B3GALNT2: variants seen among roughly 807,000 people sequenced by gnomAD.
The protein encoded by B3GALNT2 is UDP-GalNAc:beta-1,3-N-acetylgalactosaminyltransferase 2.
In B3GALNT2, 53 loss-of-function variants were observed where a neutral mutation model predicts 61.1. The observed-to-expected ratio is 0.87, with a 90% CI of 0.70 to 1.09. The LOEUF is 1.09. B3GALNT2 is among the 50% of genes least tolerant of loss of function. B3GALNT2 has a pLI of 0.00. For missense variants in B3GALNT2, 544 were observed against 623.0 expected, an observed-to-expected ratio of 0.87 and a Z score of 1.35; for synonymous variants, 223 against 237.4, an observed-to-expected ratio of 0.94 and a Z score of 0.56.
chr1:235,468,641 C>T (rs530082534), intron 6 of B3GALNT2, among the ~76,000 whole-genome samples: 127 of 151,838 alleles, frequency 8.4e-4, no homozygotes, highest in Non-Finnish European at 1.1e-3. Context: ...TTAGTAGAGA[C>T]GGGATTTCAC....
At position 235,484,530 on chromosome 1, in the gene B3GALNT2, C is replaced by T; in HGVS notation, c.362-15G>A. On this transcript the variant is annotated splice_polypyrimidine_tract_variant and intron_variant, in intron 3 of 11. Coordinates refer to ENST00000366600, the MANE Select transcript of B3GALNT2 (RefSeq NM_152490.5). The stretch of plus-strand genomic sequence containing the variant: ...CTGATTCAAAACTAAGTAATGAGAA[C>T]AGGTTTATATAACTGAACAAATGTA... 1.9e-6 allele frequency: 3 copies of T among 1,612,800 alleles called. No homozygotes were observed. Among genetic ancestry groups the T allele is most frequent in the Non-Finnish European group, 2.5e-6 (3 of 1,179,308 alleles).
downstream of B3GALNT2, chr1:235,442,984 AC>A (rs1051681540): frequency 1.4e-5 from 21 of 1,462,154 alleles, no homozygotes; most frequent in African/African-American, 2.8e-4. Context: ...TAAAATTAAA[AC>A]CTTTAACTCA....
At chr1:235,462,129 T>C (rs762970522) in intron 7 of B3GALNT2, among the ~76,000 whole-genome samples, 15 of 152,222 alleles carry the variant, frequency 9.9e-5, no homozygotes, top group Non-Finnish European at 2.1e-4. Flanking sequence ...GGATGTAACA[T>C]TGTAAGTCAA....
intron 2 of B3GALNT2, among the ~76,000 whole-genome samples, chr1:235,494,285 C>T (rs1011473934): frequency 3.3e-5 from 5 of 151,884 alleles, no homozygotes; most frequent in East Asian, 3.9e-4. Flanking sequence ...AAATACTACA[C>T]GTTAACCAGT....
At chr1:235,503,027 C>T (rs1163089504) in intron 1 of B3GALNT2, among the ~76,000 whole-genome samples, 1 of 152,178 alleles carries the variant, frequency 6.6e-6, no homozygotes, top group Non-Finnish European at 1.5e-5. Flanking sequence ...AGCTAGTGAT[C>T]TAATAGGAAA....
intron 7 of B3GALNT2, chr1:235,464,006 A>G (rs1683561496): frequency 6.6e-6 from 1 of 152,270 alleles, no homozygotes; most frequent in Non-Finnish European, 1.5e-5. Flanking sequence ...ATTTTCAACA[A>G]ATGGGTGCTG....
chr1:235,486,479 C>G (rs998435001), intron 3 of B3GALNT2, among the ~76,000 whole-genome samples: 5 of 152,246 alleles, frequency 3.3e-5, no homozygotes, highest in African/African-American at 1.2e-4. Flanking sequence ...TACGTGGACA[C>G]AGGAAATCCC....
intron 8 of B3GALNT2, among the ~76,000 whole-genome samples, chr1:235,456,720 G>A (rs1243374236): frequency 6.6e-6 from 1 of 152,096 alleles, no homozygotes; most frequent in Non-Finnish European, 1.5e-5. Context: ...CAACAATAGC[G>A]GCAGCGGAGA....
At position 235,448,361 on chromosome 1, in the gene B3GALNT2, T is replaced by A. The variant is rs775747790; in HGVS notation, c.*1845A>T. The stretch of plus-strand genomic sequence containing the variant: ...TGTCTTTTGATAGGCTCCATGACAA[T>A]TCAAAAGGTGAAGGGATTGCTGTCA... On this transcript the variant is annotated 3_prime_UTR_variant, in exon 12 of 12. Coordinates refer to ENST00000366600, the MANE Select transcript of B3GALNT2 (RefSeq NM_152490.5). 2 of 1,613,986 alleles carry A rather than the reference T, an allele frequency of 1.2e-6. No individual in the cohort carries two copies. The highest frequency in any genetic ancestry group is 4.5e-5 in the East Asian group (2 of 44,896).
At chr1:235,501,361 CACTT>C (rs1453507363) in intron 1 of B3GALNT2, among the ~76,000 whole-genome samples, 1 of 152,222 alleles carries the variant, frequency 6.6e-6, no homozygotes, top group African/African-American at 2.4e-5. Flanking sequence ...TAAGGTGACT[CACTT>C]ACTTCATTCT....
intron 7 of B3GALNT2, among the ~76,000 whole-genome samples, chr1:235,463,217 G>A (rs1558415096): frequency 6.6e-6 from 1 of 152,082 alleles, no homozygotes; most frequent in Non-Finnish European, 1.5e-5. Context: ...TGGACTTTGG[G>A]GACTTGGTGG....
chr1:235,447,106 A>AATC (rs1231873899), downstream of B3GALNT2, among the ~76,000 whole-genome samples: 1 of 152,204 alleles, frequency 6.6e-6, no homozygotes, highest in Non-Finnish European at 1.5e-5. Context: ...AGTCCGTCTC[A>AATC]ATCTTTTGAA....
At chr1:235,440,162 G>T in the B3GALNT2 span, among the ~76,000 whole-genome samples, 1 of 152,076 alleles carries the variant, frequency 6.6e-6, no homozygotes, top group Non-Finnish European at 1.5e-5. Context: ...AGTAGGGACG[G>T]GGTTTCACCG....
At position 235,489,165 on chromosome 1, in the gene B3GALNT2, T is replaced by A; in HGVS notation, c.361+3A>T. ...ATGGCAGTCAAGGGAAAAGATGACT[T>A]ACCTGGATTTGTGATGTTGAGTAGT... On this transcript the variant is annotated splice_donor_region_variant and intron_variant, in intron 3 of 11. Coordinates refer to ENST00000366600, the MANE Select transcript of B3GALNT2 (RefSeq NM_152490.5). 1 of 1,613,422 alleles carries A rather than the reference T, an allele frequency of 6.2e-7. No homozygotes were observed. Among genetic ancestry groups the A allele is most frequent in the Non-Finnish European group, 8.5e-7 (1 of 1,179,734 alleles).
chr1:235,474,998 T>C (rs1281716094), intron 5 of B3GALNT2, among the ~76,000 whole-genome samples: 1 of 101,144 alleles, frequency 9.9e-6, no homozygotes, highest in Non-Finnish European at 2.0e-5. Flanking sequence ...TTTTTTTTTT[T>C]TTTTTTTTTT....
rs1684704696 is a variant in B3GALNT2 at position 235,484,443 on chromosome 1, A to G, written c.434T>C (p.Val145Ala). 6.2e-7 allele frequency: 1 copy of G among 1,614,106 alleles called. No individual in the cohort carries two copies. Among genetic ancestry groups the G allele is most frequent in the Non-Finnish European group, 8.5e-7 (1 of 1,180,044 alleles). Residue 145 changes from valine (V) to alanine (A), a missense_variant, in exon 4 of 12, where the codon GTC becomes GCC. Coordinates refer to ENST00000366600, the MANE Select transcript of B3GALNT2 (RefSeq NM_152490.5). ...TSSGLPEDRV[V>A]SVSFRVLYPI... ...GTAGAGAACTCGGAAACTCACGCTGACAACTCGATCCTCAGGCAGCCCCGA... is the reference window on the plus strand; with the variant it reads ...GTAGAGAACTCGGAAACTCACGCTGGCAACTCGATCCTCAGGCAGCCCCGA...
chr1:235,458,242 T>C (rs551960476), intron 8 of B3GALNT2, among the ~76,000 whole-genome samples: 16 of 152,292 alleles, frequency 1.1e-4, no homozygotes, highest in African/African-American at 3.8e-4. Flanking sequence ...ACATTGTGGA[T>C]CTTTATCAAA....
chr1:235,487,163 A>G (rs935266785), intron 3 of B3GALNT2, among the ~76,000 whole-genome samples: 1 of 86,390 alleles, frequency 1.2e-5, no homozygotes, highest in African/African-American at 5.5e-5. Flanking sequence ...CTCTGTCTCC[A>G]AAAAAAAAAA....
chr1:235,491,354 G>A (rs1365331887), intron 2 of B3GALNT2, among the ~76,000 whole-genome samples: 1 of 152,102 alleles, frequency 6.6e-6, no homozygotes, highest in Non-Finnish European at 1.5e-5. Flanking sequence ...TGGAATTTAC[G>A]ATAAACAGTA....
Sources: allele counts gnomAD v4.1 joint callset (sites outside exome capture counted in the v4.1 genomes callset), GRCh38; gene constraint gnomAD v4.1.1; transcripts MANE v1.5; gene names NCBI Gene and HGNC (gene_info 2026-07-23, HGNC 2026-07-21).